Variants in SP6 observed in about 807,000 individuals in gnomAD.
SP6 encodes the protein Sp6 transcription factor.
A neutral mutation model predicts 23.4 loss-of-function variants in SP6; 10 were observed. The observed-to-expected ratio is 0.43, with a 90% CI of 0.26 to 0.72. The LOEUF (loss-of-function observed/expected upper bound fraction) is 0.72. Among genes scored for constraint, SP6 ranks in the 30% least tolerant of loss-of-function variants. The pLI is 0.23. For synonymous variants in SP6, 238 were observed against 238.7 expected (o/e 1.00, Z 0.03); for missense variants, 482 against 523.8 (o/e 0.92, Z 0.78).
upstream of SP6, among the ~76,000 whole-genome samples, chr17:47,860,150 C>T (rs930651257): frequency 1.3e-5 from 2 of 152,184 alleles, no homozygotes; most frequent in Admixed American, 6.5e-5. Flanking sequence ...CCCCAGGAGG[C>T]TTCTACTCCA....
intron 1 of SP6, among the ~76,000 whole-genome samples, chr17:47,849,690 C>G (rs62076138): frequency 0.27 from 41,260 of 152,190 alleles, 6,953 homozygotes; most frequent in Non-Finnish European, 0.38. Flanking sequence ...CCTGGACTCT[C>G]AGTCTGTTAC....
upstream of SP6, among the ~76,000 whole-genome samples, chr17:47,860,700 CAAA>C (rs57640996): frequency 1.8e-5 from 2 of 109,412 alleles, no homozygotes; most frequent in African/African-American, 7.5e-5. Context: ...TCCGACTCTA[CAAA>C]AAAAAAAAAA....
chr17:47,857,962 G>A (rs959883917), upstream of SP6, among the ~76,000 whole-genome samples: 7 of 139,890 alleles, frequency 5.0e-5, no homozygotes, highest in South Asian at 2.5e-4. Context: ...CACTCCCAGC[G>A]CCAGCCCTCG....
Position 47,848,556 on chromosome 17 carries a change from C to T in SP6, c.-57-70G>A. The T allele has an allele frequency of 1.2e-6, 1 of 831,570 alleles. No homozygotes were observed. The highest frequency in any genetic ancestry group is 1.9e-5 in the South Asian group (1 of 51,508). The allele number at this position is 831,570 out of a possible 1,614,324, so 51.5% of individuals were successfully genotyped here. On this transcript the variant is annotated intron_variant, in intron 1 of 1. Transcript: ENST00000536300. This position sits in a 1 kb window ranked among gnomAD's most constrained non-coding sequence, Gnocchi z 5.3. ...CACTTTCCCTCCTAACCCAGGTCCT[C>T]CTCTCTGGCCCCAGGTGTAAAAGAA...
chr17:47,870,159 T>C, the SP6 span, among the ~76,000 whole-genome samples: 3 of 152,070 alleles, frequency 2.0e-5, no homozygotes, highest in Non-Finnish European at 4.4e-5. Context: ...TCAGACACAC[T>C]AACCTATTTC....
At chr17:47,873,413 C>T in the SP6 span, among the ~76,000 whole-genome samples, 2 of 152,224 alleles carry the variant, frequency 1.3e-5, no homozygotes, top group East Asian at 1.9e-4. Context: ...TAACAGCCCA[C>T]CTGGAGAATG....
intron 1 of SP6, among the ~76,000 whole-genome samples, chr17:47,850,432 G>C (rs919504472): frequency 6.6e-6 from 1 of 152,154 alleles, no homozygotes; most frequent in African/African-American, 2.4e-5. Flanking sequence ...GCCACCCTTA[G>C]GTGGCAACCC....
At chr17:47,862,507 C>CAA in the SP6 span, among the ~76,000 whole-genome samples, 900 of 85,600 alleles carry the variant, frequency 0.011, 35 homozygotes, top group African/African-American at 0.044. Flanking sequence ...GACTTTGTCT[C>CAA]AAAAAAAAAA....
At position 47,848,481 on chromosome 17, in the gene SP6, C is replaced by T. The variant is rs911827202; in HGVS notation, c.-52G>A. On this transcript the variant is annotated 5_prime_UTR_variant, in exon 2 of 2. Transcript: ENST00000536300. The surrounding 1 kb of genome is among the most constrained non-coding windows in gnomAD (Gnocchi z 5.3). ...CAGGGACGGTCAGGGGCACCTCAGA[C>T]GGGACCTAAAGGAGGCGAAGAAGCA... 1 of 1,440,944 alleles carries T rather than the reference C, an allele frequency of 6.9e-7. No homozygotes were observed. The highest frequency in any genetic ancestry group is 9.2e-7 in the Non-Finnish European group (1 of 1,088,932). The allele number at this position is 1,440,944 out of a possible 1,614,324, so 89.3% of individuals were successfully genotyped here.
the SP6 span, among the ~76,000 whole-genome samples, chr17:47,874,843 G>C: frequency 1.3e-5 from 2 of 152,098 alleles, no homozygotes; most frequent in African/African-American, 4.8e-5. Flanking sequence ...AGGCCAGAGA[G>C]CCCCCATTAG....
In SP6 at chr17:47,846,478, G is replaced by C. The variant is rs889700765; in HGVS notation, c.*821C>G. ...ATTTATCATAGACCAAGAATTAAGG[G>C]CTGAATCAGAGGTGGAGAGGGAAGG... On this transcript the variant is annotated 3_prime_UTR_variant, in exon 2 of 2. Transcript: ENST00000536300. 1 of 152,198 alleles carries C rather than the reference G, an allele frequency of 6.6e-6. No individual in the cohort carries two copies. Among genetic ancestry groups the C allele is most frequent in the African/African-American group, 2.4e-5 (1 of 41,426 alleles). The allele number at this position is 152,198 out of a possible 1,614,324, so 9.4% of individuals were successfully genotyped here. A position where few individuals can be genotyped will look rare whatever the true frequency, so the allele number is the denominator to read the frequency against.
At chr17:47,861,025 T>C in the SP6 span, among the ~76,000 whole-genome samples, 1 of 152,198 alleles carries the variant, frequency 6.6e-6, no homozygotes, top group Non-Finnish European at 1.5e-5. Context: ...TATCAGGACC[T>C]GGCAGGCGGA....
At chr17:47,861,969 C>T in the SP6 span, among the ~76,000 whole-genome samples, 1 of 147,482 alleles carries the variant, frequency 6.8e-6, no homozygotes, top group African/African-American at 2.5e-5. Context: ...CACCTGAGCC[C>T]AGGAGGTCAA....
At chr17:47,859,961 G>T (rs1249761882), upstream of SP6, among the ~76,000 whole-genome samples, 1 of 152,042 alleles carries the variant, frequency 6.6e-6, no homozygotes, top group African/African-American at 2.4e-5. Flanking sequence ...TCAGTCCCTC[G>T]GTAGGAATTT....
Position 47,847,349 on chromosome 17 carries a change from C to G in SP6, c.1081G>C (p.Gly361Arg), listed in dbSNP as rs867365882. The change falls in exon 2 of 2, where the codon GGG (glycine) becomes CGG (arginine). Residue 361 changes from glycine (G) to arginine (R), a missense_variant. Physicochemically the swap from Gly to Arg is moderately radical, Grantham distance 125. Around this residue, in one of 3 missense-constraint regions of SP6, gnomAD observed 101 missense variants for 99.3 expected, o/e 1.02. Transcript: ENST00000536300. ...GKAGGAVEPP[G>R]GKGKREAEGS... ...TCGGCCTCGCGTTTGCCTTTGCCCC[C>G]GGGGGGCTCCACTGCGCCGCCGGCC... is the stretch of plus-strand genomic sequence containing the variant. The G allele has an allele frequency of 6.2e-7, 1 of 1,600,152 alleles. No individual in the cohort carries two copies. The highest frequency in any genetic ancestry group is 8.5e-7 in the Non-Finnish European group (1 of 1,173,644).
chr17:47,858,078 T>TCGC (rs1453625210), upstream of SP6, among the ~76,000 whole-genome samples: 1 of 152,044 alleles, frequency 6.6e-6, no homozygotes, highest in African/African-American at 2.4e-5. Context: ...TCCTCTGCCC[T>TCGC]CGCCTCTCGG....
rs2033922719 is a variant in SP6, at chr17:47,848,530, T to C, written c.-57-44A>G. ...CAGAAAAGTAAGGGAAATAACCAGCTCACTTTCCCTCCTAACCCAGGTCCT... is the reference window on the plus strand; with the variant it reads ...CAGAAAAGTAAGGGAAATAACCAGCCCACTTTCCCTCCTAACCCAGGTCCT... On this transcript the variant is annotated intron_variant, in intron 1 of 1. Coordinates refer to ENST00000536300, the MANE Select transcript of SP6 (RefSeq NM_001258248.2). This position sits in a 1 kb window ranked among gnomAD's most constrained non-coding sequence, Gnocchi z 5.3. The C allele has an allele frequency of 2.7e-6, 3 of 1,129,362 alleles. No individual in the cohort carries two copies. Among genetic ancestry groups the C allele is most frequent in the Non-Finnish European group, 3.7e-6 (3 of 811,830 alleles). The allele number at this position is 1,129,362 out of a possible 1,614,324, so 70.0% of individuals were successfully genotyped here. A position where few individuals can be genotyped will look rare whatever the true frequency, so the allele number is the denominator to read the frequency against.
the SP6 span, among the ~76,000 whole-genome samples, chr17:47,868,923 T>C: frequency 6.6e-6 from 1 of 152,194 alleles, no homozygotes; most frequent in East Asian, 1.9e-4. Flanking sequence ...GGTGAGATCC[T>C]TGTCTGTCAG....
the SP6 span, among the ~76,000 whole-genome samples, chr17:47,860,897 T>C: frequency 6.6e-6 from 1 of 152,002 alleles, no homozygotes; most frequent in South Asian, 2.1e-4. Flanking sequence ...CAAGGCTCCA[T>C]AAGAGGCCCA....
Sources: gnomAD v4.1 joint callset for allele counts (sites outside exome capture counted in the v4.1 genomes callset) on GRCh38, gnomAD v4.1.1 for gene constraint, gnomAD v4.1.1 regional missense constraint, Gnocchi (gnomAD v3.1) non-coding constraint, MANE v1.5 for transcripts, NCBI Gene and HGNC (gene_info 2026-07-23, HGNC 2026-07-21) for gene names.